CLIP1: variants seen among roughly 807,000 people sequenced by gnomAD.
CLIP1 encodes CAP-Gly domain-containing linker protein 1.
CLIP1 carries 66 observed loss-of-function variants against 161.6 expected under a neutral mutation model. The observed-to-expected ratio is 0.41, with a 90% CI of 0.33 to 0.50. The LOEUF is 0.50. CLIP1 is among the 20% of genes least tolerant of loss of function. CLIP1 has a pLI of 0.27. For missense variants in CLIP1, 1,376 were observed against 1,702.0 expected (o/e 0.81, Z 3.37); for synonymous variants, 598 against 626.2 (o/e 0.96, Z 0.67).
At chr12:122,406,368 T>C (rs1956330409) in intron 1 of CLIP1, among the ~76,000 whole-genome samples, 2 of 152,106 alleles carry the variant, frequency 1.3e-5, no homozygotes, top group African/African-American at 4.8e-5. Flanking sequence ...TAAAAATAAA[T>C]GGATCAATGT....
intron 1 of CLIP1, among the ~76,000 whole-genome samples, chr12:122,407,298 C>T (rs1353867151): frequency 1.3e-5 from 2 of 152,194 alleles, no homozygotes; most frequent in African/African-American, 4.8e-5. Context: ...ACTTACTTAA[C>T]AGTCTAGGAC....
At chr12:122,389,883 T>G (rs1194589971) in intron 1 of CLIP1, among the ~76,000 whole-genome samples, 1 of 142,164 alleles carries the variant, frequency 7.0e-6, no homozygotes, top group African/African-American at 2.6e-5. Context: ...GGGGGCCCGG[T>G]GGGAGGTGTT....
At chr12:122,274,637 T>C (rs1955326151) in intron 24 of CLIP1, 1 of 153,404 alleles carries the variant, frequency 6.5e-6, no homozygotes, top group African/African-American at 2.4e-5. Flanking sequence ...TCTCCTGGGT[T>C]CAAGCAATTC....
At position 122,354,513 on chromosome 12, in the gene CLIP1, A is replaced by G; in HGVS notation, c.1247T>C (p.Met416Thr). Residue 416 changes from methionine (M) to threonine (T), a missense_variant, in exon 7 of 26, where the codon ATG becomes ACG. This residue lies in a region of CLIP1 where 211 missense variants were observed against 295.1 expected (regional missense o/e 0.72). Transcript: ENST00000620786. ...CTTCTCCCTGTCAGCAGCTTCCACC[A>G]TTGTTCGCAGCTGGTCCATTTTGGC... ...LEAKMDQLRTMVEAADREKVE... is the reference protein window; with the variant it reads ...LEAKMDQLRTTVEAADREKVE... 2 of 1,613,842 alleles carry G rather than the reference A, an allele frequency of 1.2e-6. No homozygotes were observed. Among genetic ancestry groups the G allele is most frequent in the Non-Finnish European group, 1.7e-6 (2 of 1,179,880 alleles).
Position 122,417,471 on chromosome 12 carries a change from A to C in CLIP1, c.-107+5050T>G, listed in dbSNP as rs951694534. On this transcript the variant is annotated intron_variant, in intron 1 of 25. Coordinates refer to ENST00000620786, the MANE Select transcript of CLIP1 (RefSeq NM_001247997.2). ...CCGAGTGAGACTCTGTCTCTAAAAAACAAAAGCAATTTTTTAAAAAGGCAT... is the reference window on the plus strand; with the variant it reads ...CCGAGTGAGACTCTGTCTCTAAAAACCAAAAGCAATTTTTTAAAAAGGCAT... Among the ~76,000 whole-genome samples the C allele has an allele frequency of 2.6e-5, 4 of 151,752 alleles. No homozygotes were observed. In the South Asian group the frequency reaches 8.3e-4, roughly 32 times the overall value.
Position 122,327,961 on chromosome 12 carries a change from C to T in CLIP1, c.3235G>A (p.Ala1079Thr). The change falls in exon 17 of 26, where the codon GCC becomes ACC. Residue 1079 changes from alanine to threonine, a missense_variant. Ala to Thr is a moderately conservative substitution (Grantham distance 58). This residue lies in a region of CLIP1 where 948 missense variants were observed against 1,134.8 expected (regional missense o/e 0.84). Coordinates refer to ENST00000620786, the MANE Select transcript of CLIP1 (RefSeq NM_001247997.2). ...GCGTCACGTACTTTGGCTTTGTCGG[C>T]TTGCTTTCTCAGCTCCTCCAGCTCC... ...LQELEELRKQ[A>T]DKAKAAQTAE... The T allele has an allele frequency of 6.2e-7, 1 of 1,614,094 alleles. No homozygotes were observed. Among genetic ancestry groups the T allele is most frequent in the Non-Finnish European group, 8.5e-7 (1 of 1,180,024 alleles).
intron 1 of CLIP1, among the ~76,000 whole-genome samples, chr12:122,409,515 T>C (rs1956449869): frequency 1.3e-5 from 2 of 152,242 alleles, no homozygotes; most frequent in Non-Finnish European, 2.9e-5. Flanking sequence ...AAGTGGAAAC[T>C]AGGAATTGGT....
rs1951779329 is a variant in CLIP1 at position 122,328,117 on chromosome 12, C to T, written c.3079G>A (p.Ala1027Thr). The T allele has an allele frequency of 8.7e-6, 14 of 1,614,178 alleles. No homozygotes were observed. Among genetic ancestry groups the T allele is most frequent in the Non-Finnish European group, 1.1e-5 (13 of 1,180,036 alleles). ...TCAGAAGTGGCTCTCTCATACCTGG[C>T]TTTCAGCTCCTGACACTGGTTGTGG... ...TSHNQCQELK[A>T]RYERATSETK... Residue 1027 changes from alanine (A) to threonine (T), a missense_variant, in exon 17 of 26, where the codon GCC becomes ACC. Physicochemically the swap from Ala to Thr is moderately conservative, Grantham distance 58. Coordinates refer to ENST00000620786, the MANE Select transcript of CLIP1 (RefSeq NM_001247997.2).
intron 24 of CLIP1, chr12:122,275,055 T>C (rs1202052618): frequency 1.3e-5 from 2 of 151,764 alleles, no homozygotes; most frequent in African/African-American, 4.8e-5. Flanking sequence ...TTTCATCATA[T>C]TGTCCAGGAT....
chr12:122,301,584 G>C (rs970567717), intron 20 of CLIP1, among the ~76,000 whole-genome samples: 1 of 152,192 alleles, frequency 6.6e-6, no homozygotes, highest in African/African-American at 2.4e-5. Context: ...TGAGGCAGGA[G>C]AATCACTTGA....
chr12:122,382,333 C>G (rs1301996826), intron 1 of CLIP1, among the ~76,000 whole-genome samples: 1 of 151,612 alleles, frequency 6.6e-6, no homozygotes, highest in Admixed American at 6.6e-5. Context: ...TGCACTCCCG[C>G]CTGGGCAACG....
intron 1 of CLIP1, among the ~76,000 whole-genome samples, chr12:122,387,456 G>T (rs1955326444): frequency 7.0e-6 from 1 of 141,982 alleles, no homozygotes; most frequent in South Asian, 2.3e-4. Flanking sequence ...AGGCGGGGGG[G>T]AGGACTACTG....
At chr12:122,349,895 TTTTTTTTG>T (rs1030180921) in intron 9 of CLIP1, among the ~76,000 whole-genome samples, 10 of 70,702 alleles carry the variant, frequency 1.4e-4, no homozygotes, top group Middle Eastern at 6.7e-3. Context: ...TGTTTTTTTG[TTTTTTTTG>T]TTTTTTTTGT....
intron 2 of CLIP1, 132 bp from the exon 3 acceptor site, chr12:122,378,092 GT>G: frequency 1.3e-6 from 1 of 789,158 alleles, no homozygotes. Context: ...TTAAAGTGTG[GT>G]TTTTTGTTCT....
At chr12:122,421,544 A>G (rs1956943364) in intron 1 of CLIP1, among the ~76,000 whole-genome samples, 1 of 152,144 alleles carries the variant, frequency 6.6e-6, no homozygotes, top group African/African-American at 2.4e-5. Context: ...TCACACACAC[A>G]CAATTACAGA....
intron 20 of CLIP1, among the ~76,000 whole-genome samples, chr12:122,291,883 A>G (rs908912392): frequency 2.6e-5 from 4 of 152,234 alleles, no homozygotes; most frequent in African/African-American, 9.6e-5. Context: ...TTCTTGCCTG[A>G]ACAAATTATT....
chr12:122,330,892 C>T lies in CLIP1; in HGVS notation c.2867+2095G>A, dbSNP rs139735854. 2.2e-4 allele frequency among the ~76,000 whole-genome samples: 34 copies of T among 151,660 alleles called. No individual in the cohort carries two copies. The East Asian group carries it at 4.7e-3, about 21-fold the overall frequency. On this transcript the variant is annotated intron_variant, in intron 15 of 25. Coordinates refer to ENST00000620786, the MANE Select transcript of CLIP1 (RefSeq NM_001247997.2). ...CTGGCATGACAGGCCTGAGCCACCA[C>T]GCCCGGCCTACAATGTAGTTATTAA...
intron 1 of CLIP1, among the ~76,000 whole-genome samples, chr12:122,413,891 CTT>C (rs1314621023): frequency 6.6e-6 from 1 of 151,564 alleles, no homozygotes; most frequent in Non-Finnish European, 1.5e-5. Flanking sequence ...AAAAAAAGCT[CTT>C]TACTCATTGT....
intron 3 of CLIP1, among the ~76,000 whole-genome samples, chr12:122,376,002 G>A (rs547558452): frequency 3.3e-5 from 5 of 151,750 alleles, no homozygotes; most frequent in African/African-American, 7.3e-5. Context: ...GTAGTGACGC[G>A]ATCTTGGCTC....
Sources: allele counts gnomAD v4.1 joint callset (sites outside exome capture counted in the v4.1 genomes callset), GRCh38; gene constraint gnomAD v4.1.1; regional missense constraint gnomAD v4.1.1; transcripts MANE v1.5; gene names NCBI Gene and HGNC (gene_info 2026-07-23, HGNC 2026-07-21).